The following DISC1 variants were observed in gnomAD, a reference collection of about 807,000 sequenced individuals.
The protein encoded by DISC1 is disrupted in schizophrenia 1 protein.
DISC1 carries 57 observed loss-of-function variants against 84.5 expected under a neutral mutation model. The ratio of observed to expected loss-of-function variants is 0.67; its 90% CI spans 0.55 to 0.84. DISC1 has a LOEUF of 0.84. Among genes scored for constraint, DISC1 ranks in the 40% least tolerant of loss-of-function variants. The probability of loss-of-function intolerance (pLI) is 0.00; values close to 1 mark genes in which losing one functional copy is unlikely to be tolerated. For missense variants in DISC1, 1,000 were observed against 1,057.8 expected (o/e 0.95, Z 0.76); for synonymous variants, 411 against 415.2 (o/e 0.99, Z 0.12).
At position 231,694,255 on chromosome 1, in the gene DISC1, A is replaced by G. The variant is rs2125659174; in HGVS notation, c.497A>G (p.Asp166Gly). 2 of 1,614,244 alleles carry G rather than the reference A, an allele frequency of 1.2e-6. No homozygotes were observed. The highest frequency in any genetic ancestry group is 1.1e-5 in the South Asian group (1 of 91,088). ...LDASWEAACSDGARRVRAAGS... is the reference protein window; with the variant it reads ...LDASWEAACSGGARRVRAAGS... ...GCCAGCTGGGAGGCAGCCTGCAGCG[A>G]TGGAGCAAGGCGTGTCCGGGCAGCA... Residue 166 changes from aspartate (D) to glycine (G), a missense_variant, in exon 2 of 13, where the codon GAT (aspartate) becomes GGT (glycine). Physicochemically the swap from Asp to Gly is moderately conservative, Grantham distance 94 (BLOSUM62 -1). Around this residue, in one of 3 missense-constraint regions of DISC1, gnomAD observed 292 missense variants for 280.2 expected, o/e 1.04. Coordinates refer to ENST00000439617, the MANE Select transcript of DISC1 (RefSeq NM_018662.3).
At position 232,039,123 on chromosome 1, in the gene DISC1, C is replaced by T. The variant is rs1383575619; in HGVS notation, c.*2292C>T. On this transcript the variant is annotated 3_prime_UTR_variant, in exon 13 of 13. Coordinates refer to ENST00000439617, the MANE Select transcript of DISC1 (RefSeq NM_018662.3). ...TCATTTTCAATGATGAACCAAATTC[C>T]TGAATTATTTATAATTGTGTCTAAA... 1 of 152,154 alleles carries T rather than the reference C, an allele frequency of 6.6e-6. No homozygotes were observed. Among genetic ancestry groups the T allele is most frequent in the Non-Finnish European group, 1.5e-5 (1 of 68,038 alleles). 9.4% of individuals were successfully genotyped at this position (152,154 alleles called of 1,614,324 possible). A position where few individuals can be genotyped will look rare whatever the true frequency, so the allele number is the denominator to read the frequency against.
intron 3 of DISC1, chr1:231,721,154 T>C (rs1228423843): frequency 8.1e-7 from 1 of 1,230,744 alleles, no homozygotes; most frequent in Non-Finnish European, 1.1e-6. Flanking sequence ...GCTGGGCTGA[T>C]GAAAGAAACA....
At chr1:232,026,762 CTTTTTT>C (rs545455868) in intron 12 of DISC1, among the ~76,000 whole-genome samples, 4,535 of 110,890 alleles carry the variant, frequency 0.041, 160 homozygotes, top group African/African-American at 0.14. Flanking sequence ...TTTCTTTTTT[CTTTTTT>C]TTTTTTTTTT....
At chr1:231,985,279 T>C (rs566950479) in intron 10 of DISC1, among the ~76,000 whole-genome samples, 3 of 150,348 alleles carry the variant, frequency 2.0e-5, no homozygotes, top group African/African-American at 7.4e-5. Flanking sequence ...TGAGCTGAGA[T>C]TGTGCCATTG....
chr1:231,968,548 C>T (rs530744458), intron 10 of DISC1, among the ~76,000 whole-genome samples: 38 of 150,498 alleles, frequency 2.5e-4, no homozygotes, highest in Admixed American at 2.5e-3. Flanking sequence ...GCCGAGATCC[C>T]GCCACTGCAC....
intron 9 of DISC1, among the ~76,000 whole-genome samples, chr1:231,890,769 AATG>A (rs1301535048): frequency 6.6e-6 from 1 of 152,212 alleles, no homozygotes; most frequent in Non-Finnish European, 1.5e-5. Flanking sequence ...AGGATAAATA[AATG>A]ATACCATATC....
intron 9 of DISC1, among the ~76,000 whole-genome samples, chr1:231,937,790 G>A (rs1000262908): frequency 6.6e-6 from 1 of 152,108 alleles, no homozygotes; most frequent in Non-Finnish European, 1.5e-5. Context: ...CCTGAAAGAG[G>A]GATTCCTAAA....
chr1:231,985,017 G>A (rs1036263772), intron 10 of DISC1, among the ~76,000 whole-genome samples: 11 of 152,032 alleles, frequency 7.2e-5, no homozygotes, highest in Admixed American at 1.3e-4. Context: ...CAATTTCTCT[G>A]TCTATACAAG....
chr1:231,951,829 G>A (rs1364622278), intron 9 of DISC1, among the ~76,000 whole-genome samples: 1 of 152,060 alleles, frequency 6.6e-6, no homozygotes, highest in African/African-American at 2.4e-5. Context: ...ACTTTGGGAA[G>A]TGGAAGTGAG....
chr1:231,773,990 C>T (rs891738155), intron 6 of DISC1, among the ~76,000 whole-genome samples: 5 of 151,970 alleles, frequency 3.3e-5, no homozygotes, highest in Admixed American at 1.3e-4. Flanking sequence ...AGGCTGGGAA[C>T]AGTGGCTCAC....
intron 10 of DISC1, among the ~76,000 whole-genome samples, chr1:231,982,916 T>A (rs886689872): frequency 6.6e-6 from 1 of 152,122 alleles, no homozygotes; most frequent in Non-Finnish European, 1.5e-5. Flanking sequence ...GATGGTCTAA[T>A]ACAAATAATT....
chr1:231,731,357 A>G (rs988123948), intron 3 of DISC1, among the ~76,000 whole-genome samples: 1 of 152,250 alleles, frequency 6.6e-6, no homozygotes, highest in Non-Finnish European at 1.5e-5. Context: ...CCTACTTTTA[A>G]TTACATGCAA....
chr1:231,962,726 T>A (rs1660554348), intron 10 of DISC1, among the ~76,000 whole-genome samples: 1 of 152,208 alleles, frequency 6.6e-6, no homozygotes, highest in Non-Finnish European at 1.5e-5. Context: ...GAATTGTAGA[T>A]GAAAACCTAT....
At chr1:231,964,802 AACATCT>A (rs1203823798) in intron 10 of DISC1, among the ~76,000 whole-genome samples, 1 of 152,236 alleles carries the variant, frequency 6.6e-6, no homozygotes, top group East Asian at 1.9e-4. Context: ...CTGCTTGATT[AACATCT>A]CAAGTTATCC....
At chr1:231,784,072 T>A (rs1424999628) in intron 6 of DISC1, among the ~76,000 whole-genome samples, 2 of 151,992 alleles carry the variant, frequency 1.3e-5, no homozygotes, top group Non-Finnish European at 2.9e-5. Context: ...GACCAGCCTG[T>A]CCCAACATGG....
intron 9 of DISC1, among the ~76,000 whole-genome samples, chr1:231,915,025 G>A (rs952276093): frequency 6.6e-6 from 1 of 152,144 alleles, no homozygotes; most frequent in Non-Finnish European, 1.5e-5. Flanking sequence ...AGGTTGTTTT[G>A]TTTAGATTCT....
intron 9 of DISC1, among the ~76,000 whole-genome samples, chr1:231,839,842 C>T (rs899961286): frequency 2.6e-5 from 4 of 152,022 alleles, no homozygotes; most frequent in African/African-American, 9.7e-5. Context: ...GAGCAAGAGG[C>T]GAGGTGGAGG....
rs191277099 is a variant in DISC1, at chr1:231,856,000, C to T, written c.1981+37483C>T. Among the ~76,000 whole-genome samples the T allele has an allele frequency of 1.7e-3, 264 of 152,310 alleles. 1 individual carries two copies. Among genetic ancestry groups the T allele is most frequent in the Admixed American group, 0.015 (233 of 15,292 alleles). ...TGCCACTCTCTGGGTGACTATCTGG[C>T]GATGACACTTCTACCTTTGTTTTTG... On this transcript the variant is annotated intron_variant, in intron 9 of 12. Transcript: ENST00000439617.
intron 10 of DISC1, among the ~76,000 whole-genome samples, chr1:232,002,436 C>A (rs1666808785): frequency 6.6e-6 from 1 of 152,122 alleles, no homozygotes; most frequent in Non-Finnish European, 1.5e-5. Context: ...ATGTTCATAG[C>A]ATCTTTTATT....
Sources: gnomAD v4.1 joint callset for allele counts (sites outside exome capture counted in the v4.1 genomes callset) on GRCh38, gnomAD v4.1.1 for gene constraint, gnomAD v4.1.1 regional missense constraint, MANE v1.5 for transcripts, NCBI Gene and HGNC (gene_info 2026-07-23, HGNC 2026-07-21) for gene names.